The following SLC7A7 variants were observed in gnomAD, a reference collection of about 807,000 sequenced individuals.
SLC7A7 encodes solute carrier family 7 member 7.
A neutral mutation model predicts 47.9 loss-of-function variants in SLC7A7; 39 were observed. That is an observed-to-expected ratio of 0.81 (90% CI 0.63 to 1.06). SLC7A7 has a LOEUF of 1.06. Ranked by LOEUF, SLC7A7 falls within the 50% of genes least tolerant of loss-of-function variation. SLC7A7 has a pLI of 0.00. For missense variants in SLC7A7, 588 were observed against 632.0 expected (o/e 0.93, Z 0.75); for synonymous variants, 234 against 242.8 (o/e 0.96, Z 0.34).
chr14:22,788,008 G>A (rs1006020761), intron 2 of SLC7A7, among the ~76,000 whole-genome samples: 15 of 151,952 alleles, frequency 9.9e-5, no homozygotes, highest in Admixed American at 2.6e-4. Flanking sequence ...GGGAGGCGGC[G>A]GTTGCAGTGA....
At chr14:22,817,740 G>A (rs2039426670), upstream of SLC7A7, among the ~76,000 whole-genome samples, 1 of 152,226 alleles carries the variant, frequency 6.6e-6, no homozygotes, top group African/African-American at 2.4e-5. Context: ...GCCTCCCAAA[G>A]TGATGGGATT....
intron 2 of SLC7A7, among the ~76,000 whole-genome samples, chr14:22,795,082 T>C (rs1305045769): frequency 2.8e-5 from 4 of 141,646 alleles, no homozygotes; most frequent in East Asian, 2.0e-4. Context: ...CTTTCTTTTT[T>C]TTTTTTTTTT....
chr14:22,773,299 G>C lies in SLC7A7; in HGVS notation c.*311C>G, dbSNP rs1265468435. On this transcript the variant is annotated 3_prime_UTR_variant, in exon 10 of 10. Coordinates refer to ENST00000674313, the MANE Select transcript of SLC7A7 (RefSeq NM_003982.4). Reference sequence around the variant, plus strand: ...TCTCTAAAGGAGACAGGAAATTGGAGCATTGTGGGCCCTTTTAAAAGAAAA... The same window carrying C: ...TCTCTAAAGGAGACAGGAAATTGGACCATTGTGGGCCCTTTTAAAAGAAAA... The C allele has an allele frequency of 2.0e-6, 1 of 493,344 alleles. No homozygotes were observed. Among genetic ancestry groups the C allele is most frequent in the South Asian group, 1.6e-5 (1 of 64,346 alleles). The allele number at this position is 493,344 out of a possible 1,614,324, so 30.6% of individuals were successfully genotyped here.
At chr14:22,794,194 AT>A (rs1566452852) in intron 2 of SLC7A7, among the ~76,000 whole-genome samples, 1 of 152,226 alleles carries the variant, frequency 6.6e-6, no homozygotes, top group Non-Finnish European at 1.5e-5. Context: ...TGAATTACTC[AT>A]TATTGCAATA....
At chr14:22,804,589 T>C (rs1231234779) in intron 2 of SLC7A7, among the ~76,000 whole-genome samples, 1 of 152,168 alleles carries the variant, frequency 6.6e-6, no homozygotes, top group African/African-American at 2.4e-5. Context: ...AGGACATTCA[T>C]GCGGCCAACA....
intron 2 of SLC7A7, among the ~76,000 whole-genome samples, chr14:22,792,310 C>T (rs2038937498): frequency 6.6e-6 from 1 of 152,156 alleles, no homozygotes; most frequent in Admixed American, 6.5e-5. Flanking sequence ...TGCCTATAAT[C>T]CCAGCACTTT....
chr14:22,776,369 T>G (rs1240865870), intron 4 of SLC7A7, 51 bp from the exon 5 acceptor site: 13 of 1,612,632 alleles, frequency 8.1e-6, no homozygotes, highest in South Asian at 1.1e-5. Flanking sequence ...CATATCCCTA[T>G]CTCTCCTTTA....
intron 2 of SLC7A7, among the ~76,000 whole-genome samples, chr14:22,810,478 A>AAAAAAAAAAAAAG: frequency 6.6e-6 from 1 of 151,530 alleles, no homozygotes; most frequent in Non-Finnish European, 1.5e-5. Flanking sequence ...AAAAAAAAAA[A>AAAAAAAAAAAAAG]ATAGATTTCT....
chr14:22,798,613 G>A (rs896678931), intron 2 of SLC7A7, among the ~76,000 whole-genome samples: 9 of 152,000 alleles, frequency 5.9e-5, no homozygotes, highest in Admixed American at 1.3e-4. Context: ...TCATAAAATC[G>A]TCCCTCAACC....
At position 22,776,276 on chromosome 14, in the gene SLC7A7, G is replaced by T. The variant is rs2139389124; in HGVS notation, c.813C>A (p.Thr271=). 6.2e-7 allele frequency: 1 copy of T among 1,614,200 alleles called. No homozygotes were observed. Among genetic ancestry groups the T allele is most frequent in the Non-Finnish European group, 8.5e-7 (1 of 1,180,018 alleles). ...CCACATTGGTCAAGATATAGATGAT[G>T]GTGACAATGGGCATGGAGATGCCAA... The part of the protein sequence containing the change: ...LSIGISMPIV[T]IIYILTNVAY... Residue 271 remains threonine, a synonymous_variant, in exon 5 of 10, where the codon ACC becomes ACA. Coordinates refer to ENST00000674313, the MANE Select transcript of SLC7A7 (RefSeq NM_003982.4).
rs1283035499 is a variant in SLC7A7 at position 22,779,983 on chromosome 14, C to A, written c.568G>T (p.Ala190Ser). The A allele has an allele frequency of 6.2e-7, 1 of 1,614,138 alleles. No individual in the cohort carries two copies. Among genetic ancestry groups the A allele is most frequent in the South Asian group, 1.1e-5 (1 of 91,074 alleles). The part of the protein sequence containing the change: ...GTLVQDIFTY[A>S]KVLALIAVIV... ...ACCGCGATCAGTGCCAATACTTTAG[C>A]ATAGGTGAAAATATCTTGTACCAGG... The change falls in exon 3 of 10, where the codon GCT becomes TCT. Residue 190 changes from alanine (A) to serine (S), a missense_variant. Transcript: ENST00000674313.
At chr14:22,789,861 G>A (rs1388881455) in intron 2 of SLC7A7, among the ~76,000 whole-genome samples, 2 of 151,952 alleles carry the variant, frequency 1.3e-5, no homozygotes, top group African/African-American at 4.8e-5. Context: ...CTAGAAGCTG[G>A]GAAAGGCAAG....
intron 7 of SLC7A7, 63 bp from the exon 8 acceptor site, chr14:22,774,566 C>G (rs1343047197): frequency 6.1e-5 from 97 of 1,602,338 alleles, no homozygotes; most frequent in Non-Finnish European, 8.1e-5. Flanking sequence ...GCTTTTCACT[C>G]CCTTTATACC....
chr14:22,774,912 T>C (rs1469288379), intron 7 of SLC7A7, among the ~76,000 whole-genome samples: 1 of 152,208 alleles, frequency 6.6e-6, no homozygotes, highest in Non-Finnish European at 1.5e-5. Context: ...TTCAGATTTT[T>C]AGAGCATTTC....
At chr14:22,794,206 T>C (rs902556991) in intron 2 of SLC7A7, among the ~76,000 whole-genome samples, 2 of 152,208 alleles carry the variant, frequency 1.3e-5, no homozygotes, top group African/African-American at 4.8e-5. Flanking sequence ...TATTGCAATA[T>C]CCCTGTCTTG....
intron 2 of SLC7A7, among the ~76,000 whole-genome samples, chr14:22,799,947 T>C (rs113633704): frequency 0.019 from 2,830 of 152,288 alleles, 42 homozygotes; most frequent in Middle Eastern, 0.075. Flanking sequence ...GTGTTCCCCA[T>C]ACAAGTAACT....
At chr14:22,788,509 C>T (rs953016938) in intron 2 of SLC7A7, among the ~76,000 whole-genome samples, 11 of 151,430 alleles carry the variant, frequency 7.3e-5, no homozygotes, top group South Asian at 2.1e-4. Context: ...TTGAGATCAG[C>T]CTGGCCAACA....
intron 9 of SLC7A7, 22 bp downstream of exon 9, chr14:22,773,911 G>C: frequency 6.2e-7 from 1 of 1,613,586 alleles, no homozygotes; most frequent in East Asian, 2.2e-5. Context: ...TAGCTGAGCG[G>C]ACTTAAGGAT....
chr14:22,792,867 A>AAGAGAGAGAGAGAGAG lies in SLC7A7; in HGVS notation c.500-12832_500-12817dup, dbSNP rs113285148. 4.9e-3 allele frequency among the ~76,000 whole-genome samples: 599 copies of AAGAGAGAGAGAGAGAG among 122,494 alleles called. 6 individuals are homozygous for AAGAGAGAGAGAGAGAG. Among genetic ancestry groups the AAGAGAGAGAGAGAGAG allele is most frequent in the Admixed American group, 0.022 (244 of 11,122 alleles). The allele number at this position is 122,494 out of a possible 152,430, so 80.4% of individuals were successfully genotyped here. The stretch of plus-strand genomic sequence containing the variant: ...TGTGAGGCCCCGTCTCAAAGAAAGA[A>AAGAGAGAGAGAGAGAG]AGAGAGAGAGAGAGAGAGAGAGAGA... On this transcript the variant is annotated intron_variant, in intron 2 of 9. Coordinates refer to ENST00000674313, the MANE Select transcript of SLC7A7 (RefSeq NM_003982.4).
Sources: allele counts gnomAD v4.1 joint callset (sites outside exome capture counted in the v4.1 genomes callset), GRCh38; gene constraint gnomAD v4.1.1; transcripts MANE v1.5; gene names NCBI Gene and HGNC (gene_info 2026-07-23, HGNC 2026-07-21).